FAM184A: variants seen among roughly 807,000 people sequenced by gnomAD.
The protein encoded by FAM184A is family with sequence similarity 184 member A, also known as protein FAM184A.
In FAM184A, 99 loss-of-function variants were observed where a neutral mutation model predicts 143.8. That is an observed-to-expected ratio of 0.69 (90% CI 0.58 to 0.81). The LOEUF (loss-of-function observed/expected upper bound fraction) is 0.81. Among genes scored for constraint, FAM184A ranks in the 40% least tolerant of loss-of-function variants. FAM184A has a pLI of 0.00. For synonymous variants in FAM184A, 427 were observed against 446.4 expected (o/e 0.96, Z 0.55); for missense variants, 1,217 against 1,310.5 (o/e 0.93, Z 1.10).
chr6:118,976,092 T>C (rs1002322240), intron 11 of FAM184A, 48 bp from the exon 12 acceptor site: 2 of 1,569,512 alleles, frequency 1.3e-6, no homozygotes, highest in African/African-American at 2.8e-5. Flanking sequence ...AAAAATATTA[T>C]CAATACTTTA....
chr6:118,989,288 T>C (rs905325605), intron 9 of FAM184A, among the ~76,000 whole-genome samples: 2 of 151,696 alleles, frequency 1.3e-5, no homozygotes, highest in Non-Finnish European at 2.9e-5. Context: ...TGATAAACCA[T>C]TGGAAAAACC....
intron 1 of FAM184A, among the ~76,000 whole-genome samples, chr6:119,086,372 G>A (rs1788222909): frequency 6.6e-6 from 1 of 152,166 alleles, no homozygotes. Flanking sequence ...ATGCTACAAA[G>A]TGGGTGAGTG....
At chr6:119,132,745 C>T (rs1307846557) in intron 1 of FAM184A, among the ~76,000 whole-genome samples, 1 of 152,264 alleles carries the variant, frequency 6.6e-6, no homozygotes, top group Non-Finnish European at 1.5e-5. Flanking sequence ...TGACCCAAGT[C>T]ATTGCTGCAA....
At chr6:119,094,118 C>G (rs1788445233) in intron 1 of FAM184A, among the ~76,000 whole-genome samples, 2 of 151,262 alleles carry the variant, frequency 1.3e-5, no homozygotes. Flanking sequence ...TGGGATCTCA[C>G]TCTGCTGCCC....
intron 17 of FAM184A, among the ~76,000 whole-genome samples, chr6:118,961,135 TTATC>T (rs1181761247): frequency 1.3e-5 from 2 of 152,036 alleles, no homozygotes; most frequent in Non-Finnish European, 2.9e-5. Context: ...CTTTCTGACT[TTATC>T]TAATGGCTAA....
intron 1 of FAM184A, chr6:119,031,317 G>A (rs962081775): frequency 1.3e-5 from 2 of 152,204 alleles, no homozygotes; most frequent in East Asian, 3.8e-4. Context: ...AGGTTTAGAT[G>A]AGACCAACAA....
intron 12 of FAM184A, among the ~76,000 whole-genome samples, chr6:118,975,696 T>G (rs917174352): frequency 2.0e-5 from 3 of 152,208 alleles, no homozygotes; most frequent in Non-Finnish European, 2.9e-5. Context: ...ATCTGACAGT[T>G]AAGCTCCCTT....
At chr6:119,065,188 G>A (rs1370795289) in intron 1 of FAM184A, among the ~76,000 whole-genome samples, 1 of 152,120 alleles carries the variant, frequency 6.6e-6, no homozygotes, top group Non-Finnish European at 1.5e-5. Context: ...ACCATTCTGT[G>A]ATCATGTTAT....
intron 1 of FAM184A, among the ~76,000 whole-genome samples, chr6:119,073,567 A>G (rs1253950825): frequency 6.6e-6 from 1 of 152,162 alleles, no homozygotes; most frequent in Non-Finnish European, 1.5e-5. Context: ...GTGCTTCAAG[A>G]AGATTACAGA....
intron 1 of FAM184A, among the ~76,000 whole-genome samples, chr6:119,049,838 T>G (rs1647715096): frequency 6.6e-6 from 1 of 152,122 alleles, no homozygotes; most frequent in Non-Finnish European, 1.5e-5. Context: ...ACAAGTGGGA[T>G]CTAATTAAGC....
intron 1 of FAM184A, among the ~76,000 whole-genome samples, chr6:119,035,753 A>C (rs1422725238): frequency 6.6e-6 from 1 of 152,136 alleles, no homozygotes; most frequent in Non-Finnish European, 1.5e-5. Context: ...CAGCTGCCAA[A>C]AAAAATTTTT....
chr6:118,990,436 C>A lies in FAM184A; in HGVS notation c.2089-10086G>T, dbSNP rs542188691. Among the ~76,000 whole-genome samples the A allele has an allele frequency of 1.9e-4, 29 of 152,272 alleles. No individual in the cohort carries two copies. The South Asian group carries it at 2.1e-3, about 11-fold the overall frequency. ...AGGCCATGAAAATATTGAATCCAAT[C>A]GGTACAGTGCCCAAGCTGTGACCTC... On this transcript the variant is annotated intron_variant, in intron 9 of 17. Coordinates refer to ENST00000338891, the MANE Select transcript of FAM184A (RefSeq NM_024581.6).
chr6:118,980,792 G>C lies in FAM184A; in HGVS notation c.2089-442C>G, dbSNP rs149478007. Among the ~76,000 whole-genome samples, 429 of 152,238 alleles carry C rather than the reference G, an allele frequency of 2.8e-3. 2 individuals are homozygous for C. Among genetic ancestry groups the C allele is most frequent in the Admixed American group, 4.8e-3 (73 of 15,282 alleles). The stretch of plus-strand genomic sequence containing the variant: ...AGCTCTGAGTTAAAATCCTAGCTCT[G>C]TCACTTGTTAGTATCAACACCTCAC... On this transcript the variant is annotated intron_variant, in intron 9 of 17. Coordinates refer to ENST00000338891, the MANE Select transcript of FAM184A (RefSeq NM_024581.6).
At chr6:119,145,929 G>T (rs909876166) in intron 1 of FAM184A, among the ~76,000 whole-genome samples, 20 of 152,198 alleles carry the variant, frequency 1.3e-4, no homozygotes, top group African/African-American at 4.6e-4. Context: ...ATTTGCACAT[G>T]ATTTTACAGC....
At position 119,032,797 on chromosome 6, in the gene FAM184A, A is replaced by T. The variant is rs925288516; in HGVS notation, c.160-7984T>A. ...TCTCGGATTCAGTAATTGTTTAAAA[A>T]TAGATCTGGTACATTTTAAACAAAG... On this transcript the variant is annotated intron_variant, in intron 1 of 17. Transcript: ENST00000338891. Among the ~76,000 whole-genome samples the T allele has an allele frequency of 3.9e-5, 6 of 152,368 alleles. No individual in the cohort carries two copies. The East Asian group carries it at 7.7e-4, about 20-fold the overall frequency.
intron 1 of FAM184A, among the ~76,000 whole-genome samples, chr6:119,064,410 T>C (rs1267451108): frequency 3.9e-5 from 6 of 152,140 alleles, no homozygotes; most frequent in Non-Finnish European, 5.9e-5. Flanking sequence ...TGCAAAGCAT[T>C]CAAACTGAGG....
intron 9 of FAM184A, among the ~76,000 whole-genome samples, chr6:119,001,902 T>C (rs1784768755): frequency 6.6e-6 from 1 of 152,198 alleles, no homozygotes; most frequent in Non-Finnish European, 1.5e-5. Flanking sequence ...AATGCTAATG[T>C]GGTGTCCAAA....
At chr6:118,978,378 C>G (rs1783911781) in intron 11 of FAM184A, among the ~76,000 whole-genome samples, 1 of 152,198 alleles carries the variant, frequency 6.6e-6, no homozygotes, top group African/African-American at 2.4e-5. Flanking sequence ...AATGTGTATT[C>G]CCTTTTGGCC....
intron 1 of FAM184A, among the ~76,000 whole-genome samples, chr6:119,088,915 A>T (rs2114817198): frequency 6.6e-6 from 1 of 152,248 alleles, no homozygotes. Flanking sequence ...AGAGAATCAG[A>T]ATCTTGGTTG....
Sources: allele counts gnomAD v4.1 joint callset (sites outside exome capture counted in the v4.1 genomes callset), GRCh38; gene constraint gnomAD v4.1.1; transcripts MANE v1.5; gene names NCBI Gene and HGNC (gene_info 2026-07-23, HGNC 2026-07-21).